Variants in CNTN1 observed in about 807,000 individuals in gnomAD.
CNTN1 encodes the protein contactin 1.
CNTN1 carries 38 observed loss-of-function variants against 126.4 expected under a neutral mutation model. The ratio of observed to expected loss-of-function variants is 0.30; its 90% CI spans 0.23 to 0.39. The LOEUF (loss-of-function observed/expected upper bound fraction) is 0.39. CNTN1 is among the 10% of genes least tolerant of loss of function. The pLI is 1.00. For synonymous variants in CNTN1, 413 were observed against 422.6 expected, an observed-to-expected ratio of 0.98 and a Z score of 0.28; for missense variants, 1,009 against 1,248.4, an observed-to-expected ratio of 0.81 and a Z score of 2.89.
chr12:40,885,922 A>C (rs750190632), intron 1 of CNTN1, among the ~76,000 whole-genome samples: 4 of 152,008 alleles, frequency 2.6e-5, no homozygotes, highest in Non-Finnish European at 5.9e-5. Flanking sequence ...CTGATTATTA[A>C]AAGTATTTCT....
intron 16 of CNTN1, among the ~76,000 whole-genome samples, chr12:40,992,865 A>G (rs1440352762): frequency 6.6e-6 from 1 of 152,192 alleles, no homozygotes; most frequent in Non-Finnish European, 1.5e-5. Context: ...TTAGACATGC[A>G]GAATTGCAGA....
intron 14 of CNTN1, 134 bp downstream of exon 14, chr12:40,944,304 C>A (rs751795496): frequency 1.5e-4 from 116 of 773,304 alleles, no homozygotes; most frequent in Non-Finnish European, 2.1e-4. Context: ...AAAAAGCTTT[C>A]TGTGGTTCTC....
intron 1 of CNTN1, among the ~76,000 whole-genome samples, chr12:40,778,785 C>T (rs10879171): frequency 0.49 from 74,274 of 151,470 alleles, 19,457 homozygotes; most frequent in East Asian, 0.67. Flanking sequence ...TGGCTCTCAA[C>T]GACTGATTGT....
chr12:40,973,802 C>A (rs973734987), intron 15 of CNTN1, among the ~76,000 whole-genome samples: 1 of 152,110 alleles, frequency 6.6e-6, no homozygotes, highest in African/African-American at 2.4e-5. Flanking sequence ...TAAGTAGTGG[C>A]ACCAACTCAA....
intron 17 of CNTN1, among the ~76,000 whole-genome samples, chr12:41,000,858 C>G (rs1948342807): frequency 6.6e-6 from 1 of 152,134 alleles, no homozygotes; most frequent in Non-Finnish European, 1.5e-5. Context: ...CATTTAGCCT[C>G]CACTTATAAG....
At chr12:40,764,845 C>T (rs1451518595) in intron 1 of CNTN1, among the ~76,000 whole-genome samples, 1 of 152,064 alleles carries the variant, frequency 6.6e-6, no homozygotes, top group Non-Finnish European at 1.5e-5. Context: ...TTCTTTGAAC[C>T]ATTGATTGTT....
intron 1 of CNTN1, among the ~76,000 whole-genome samples, chr12:40,808,652 G>A (rs1940948829): frequency 6.6e-6 from 1 of 151,798 alleles, no homozygotes; most frequent in Admixed American, 6.6e-5. Flanking sequence ...AATTAAAATA[G>A]GCTCTTCCAT....
chr12:40,874,886 A>G (rs1284838421), intron 1 of CNTN1, among the ~76,000 whole-genome samples: 3 of 152,178 alleles, frequency 2.0e-5, no homozygotes, highest in Non-Finnish European at 4.4e-5. Flanking sequence ...ATAAAATCTC[A>G]TAGGAAGAAC....
chr12:40,867,966 C>T (rs1036594787), intron 1 of CNTN1, among the ~76,000 whole-genome samples: 4 of 151,466 alleles, frequency 2.6e-5, no homozygotes, highest in African/African-American at 4.8e-5. Context: ...AGAAACACCA[C>T]TGGATTACAT....
intron 1 of CNTN1, among the ~76,000 whole-genome samples, chr12:40,827,282 A>G (rs1941645262): frequency 6.6e-6 from 1 of 152,036 alleles, no homozygotes; most frequent in Non-Finnish European, 1.5e-5. Context: ...AAAGGTGCTT[A>G]TGTTCCAAAA....
chr12:40,972,525 T>C, intron 15 of CNTN1: 24 of 856,914 alleles, frequency 2.8e-5, no homozygotes, highest in Non-Finnish European at 3.4e-5. Flanking sequence ...TTGAGGGAAA[T>C]GAATATAACT....
At chr12:40,801,634 G>T (rs960845413) in intron 1 of CNTN1, among the ~76,000 whole-genome samples, 1 of 151,818 alleles carries the variant, frequency 6.6e-6, no homozygotes, top group African/African-American at 2.4e-5. Context: ...AAAGAATAGG[G>T]AGATTGCCAG....
At chr12:40,773,696 C>CATAT (rs369635772) in intron 1 of CNTN1, among the ~76,000 whole-genome samples, 1,127 of 19,500 alleles carry the variant, frequency 0.058, 17 homozygotes, top group South Asian at 0.086. Flanking sequence ...TATATATACA[C>CATAT]ATATATATAT....
rs370984371 is a variant in CNTN1, at chr12:40,707,227, C to CTTTTTTTT, written c.-77+14667_-77+14674dup. ...TTCCTCTTTCATTTCTTTTCTTTTT[C>CTTTTTTTT]TTTTTTTTTTTTTTTTTTTTTTTTT... is the stretch of plus-strand genomic sequence containing the variant. On this transcript the variant is annotated intron_variant, in intron 1 of 23. Coordinates refer to ENST00000551295, the MANE Select transcript of CNTN1 (RefSeq NM_001843.4). Among the ~76,000 whole-genome samples, 333 of 109,114 alleles carry CTTTTTTTT rather than the reference C, an allele frequency of 3.1e-3. 28 individuals carry two copies. The highest frequency in any genetic ancestry group is 3.6e-3 in the African/African-American group (95 of 26,074). 71.6% of individuals were successfully genotyped at this position (109,114 alleles called of 152,430 possible). A position where few individuals can be genotyped will look rare whatever the true frequency, so the allele number is the denominator to read the frequency against.
chr12:40,914,925 C>T (rs1038182700), intron 3 of CNTN1, among the ~76,000 whole-genome samples: 8 of 152,062 alleles, frequency 5.3e-5, no homozygotes, highest in African/African-American at 1.4e-4. Context: ...ACCCTATATA[C>T]ACACTCAGTA....
rs373677286 is a variant in CNTN1, at chr12:40,927,123, C to G, written c.496+2471C>G. Reference sequence around the variant, plus strand: ...AATGTGCTTACCTAGACTTCTGGGGCAAAAGCAAGAAGTGTCATATATCTA... The same window carrying G: ...AATGTGCTTACCTAGACTTCTGGGGGAAAAGCAAGAAGTGTCATATATCTA... On this transcript the variant is annotated intron_variant, in intron 6 of 23. Coordinates refer to ENST00000551295, the MANE Select transcript of CNTN1 (RefSeq NM_001843.4). Among the ~76,000 whole-genome samples, 154 of 151,982 alleles carry G rather than the reference C, an allele frequency of 1.0e-3. 1 individual carries two copies. The highest frequency in any genetic ancestry group is 3.6e-3 in the African/African-American group (151 of 41,470).
intron 23 of CNTN1, among the ~76,000 whole-genome samples, chr12:41,057,930 G>T (rs998392067): frequency 6.6e-6 from 1 of 152,062 alleles, no homozygotes; most frequent in Non-Finnish European, 1.5e-5. Flanking sequence ...TATTACAGGC[G>T]AGGAAGAAAA....
chr12:40,918,779 A>G lies in CNTN1; in HGVS notation c.227+8A>G. ...CCCTTTCCCGGTTTACAAGTAATGTACCTCGCTTCTCTTTTCAGAGTGGAG... is the reference window on the plus strand; with the variant it reads ...CCCTTTCCCGGTTTACAAGTAATGTGCCTCGCTTCTCTTTTCAGAGTGGAG... On this transcript the variant is annotated splice_region_variant and intron_variant, in intron 4 of 23. Coordinates refer to ENST00000551295, the MANE Select transcript of CNTN1 (RefSeq NM_001843.4). 6.2e-7 allele frequency: 1 copy of G among 1,613,424 alleles called. No individual in the cohort carries two copies. The highest frequency in any genetic ancestry group is 8.5e-7 in the Non-Finnish European group (1 of 1,179,448).
intron 1 of CNTN1, among the ~76,000 whole-genome samples, chr12:40,753,027 A>T (rs1938462659): frequency 6.6e-6 from 1 of 152,152 alleles, no homozygotes; most frequent in African/African-American, 2.4e-5. Flanking sequence ...ATAATTAAAT[A>T]TCTTCACATA....
Sources: gnomAD v4.1 joint callset for allele counts (sites outside exome capture counted in the v4.1 genomes callset) on GRCh38, gnomAD v4.1.1 for gene constraint, MANE v1.5 for transcripts, NCBI Gene and HGNC (gene_info 2026-07-23, HGNC 2026-07-21) for gene names.